Variants in NUP62CL observed in about 807,000 individuals in gnomAD.
NUP62CL encodes the protein nucleoporin 62 C-terminal like, also known as nucleoporin-62 C-terminal-like protein.
NUP62CL carries 13 observed loss-of-function variants against 15.3 expected under a neutral mutation model. The observed-to-expected ratio is 0.85, with a 90% CI of 0.55 to 1.35. The LOEUF (loss-of-function observed/expected upper bound fraction) is 1.35. NUP62CL is among the 40% of genes most tolerant of loss of function. The pLI, the probability that NUP62CL is intolerant of heterozygous loss-of-function variation, is 0.00. For synonymous variants in NUP62CL, 54 were observed against 49.2 expected (o/e 1.10, Z -0.41); for missense variants, 123 against 130.6 (o/e 0.94, Z 0.28).
At chrX:107,189,010 TA>T (rs1927142579) in intron 2 of NUP62CL, among the ~76,000 whole-genome samples, 1 of 111,538 alleles carries the variant, frequency 9.0e-6, no homozygotes. Flanking sequence ...TTTTTCTCAC[TA>T]AAAAAAGACA....
chrX:107,130,020 C>G lies in NUP62CL; in HGVS notation c.*43-5688G>C, dbSNP rs969358422. On this transcript the variant is annotated intron_variant, in intron 8 of 8. Transcript: ENST00000372466. ...CAAATAAAAAGTTGAGTACATACCC[C>G]AGAAAATTTAACAAAAATATAACGA... Among the ~76,000 whole-genome samples, 3 of 111,113 alleles carry G rather than the reference C, an allele frequency of 2.7e-5. No homozygotes were observed. The East Asian group carries it at 8.3e-4, about 31-fold the overall frequency.
chrX:107,144,917 T>C (rs901403980), intron 8 of NUP62CL, among the ~76,000 whole-genome samples: 5 of 111,391 alleles, frequency 4.5e-5, no homozygotes, highest in African/African-American at 1.6e-4. Context: ...TTTTAATCCT[T>C]ACAAAACCCC....
chrX:107,155,424 G>A (rs920259447), intron 4 of NUP62CL, among the ~76,000 whole-genome samples: 3 of 112,403 alleles, frequency 2.7e-5, no homozygotes, highest in African/African-American at 6.5e-5. Flanking sequence ...CTGATCTGGG[G>A]GCTCCAGGGC....
chrX:107,203,118 C>T (rs1346326914), intron 1 of NUP62CL, among the ~76,000 whole-genome samples: 1 of 110,140 alleles, frequency 9.1e-6, no homozygotes, highest in African/African-American at 3.3e-5. Context: ...AGCTCAGGTC[C>T]AGATCTAGAT....
intron 8 of NUP62CL, among the ~76,000 whole-genome samples, chrX:107,130,937 G>A (rs1925498527): frequency 9.0e-6 from 1 of 110,789 alleles, no homozygotes; most frequent in African/African-American, 3.3e-5. Flanking sequence ...GTGTGTGTGT[G>A]TATATATGTA....
intron 2 of NUP62CL, among the ~76,000 whole-genome samples, chrX:107,189,486 A>G (rs1031341804): frequency 2.7e-5 from 3 of 110,830 alleles, no homozygotes; most frequent in African/African-American, 9.9e-5. Context: ...AATAAAAAGA[A>G]ACATGCAGGC....
At chrX:107,194,602 T>C (rs1194103878) in intron 1 of NUP62CL, among the ~76,000 whole-genome samples, 1 of 111,316 alleles carries the variant, frequency 9.0e-6, no homozygotes, top group Non-Finnish European at 1.9e-5. Context: ...TGCATTACTT[T>C]ATGCACCACT....
chrX:107,191,507 AG>A (rs552212763), intron 2 of NUP62CL, among the ~76,000 whole-genome samples: 187 of 110,266 alleles, frequency 1.7e-3, no homozygotes, highest in South Asian at 0.015. Context: ...CAGGAGTTTG[AG>A]ACCAGCCTGG....
In NUP62CL at chrX:107,154,113, T is replaced by C; in HGVS notation, c.328A>G (p.Ile110Val). 1 of 1,201,100 alleles carries C rather than the reference T, an allele frequency of 8.3e-7. No individual in the cohort carries two copies. Among genetic ancestry groups the C allele is most frequent in the Non-Finnish European group, 1.1e-6 (1 of 890,709 alleles). Reference sequence around the variant, plus strand: ...TTTCTTACCATCTCACCATTCTCAATCAATGTATGGTCCCAAGCATTGACC... The same window carrying C: ...TTTCTTACCATCTCACCATTCTCAACCAATGTATGGTCCCAAGCATTGACC... ...TQVNAWDHTL[I>V]ENGEMIRILH... Residue 110 changes from isoleucine (I) to valine (V), a missense_variant, in exon 5 of 9, where the codon ATT becomes GTT. Coordinates refer to ENST00000372466, the MANE Select transcript of NUP62CL (RefSeq NM_017681.3).
intron 3 of NUP62CL, among the ~76,000 whole-genome samples, chrX:107,172,471 C>T (rs1926676165): frequency 8.9e-6 from 1 of 112,084 alleles, no homozygotes; most frequent in Non-Finnish European, 1.9e-5. Context: ...ACAAACAAGA[C>T]TTCTCCAAAA....
chrX:107,174,813 T>C lies in NUP62CL; in HGVS notation c.58+276A>G, dbSNP rs772732278. 5.3e-5 allele frequency among the ~76,000 whole-genome samples: 6 copies of C among 112,273 alleles called. No individual in the cohort carries two copies. In the Admixed American group the frequency reaches 5.7e-4, roughly 11 times the overall value. Reference sequence around the variant, plus strand: ...AAACTCCCACTCTCCCTTCTGTTAATAGCTTCAAGGAGTTGTTTCAATGCA... The same window carrying C: ...AAACTCCCACTCTCCCTTCTGTTAACAGCTTCAAGGAGTTGTTTCAATGCA... On this transcript the variant is annotated intron_variant, in intron 3 of 8. Transcript: ENST00000372466.
At chrX:107,191,829 A>AT (rs1195560628) in intron 2 of NUP62CL, among the ~76,000 whole-genome samples, 1 of 112,216 alleles carries the variant, frequency 8.9e-6, no homozygotes, top group African/African-American at 3.2e-5. Context: ...ATTTTTAGAG[A>AT]TTTTTTATCT....
At chrX:107,141,591 C>A (rs1286163994) in intron 8 of NUP62CL, among the ~76,000 whole-genome samples, 1 of 111,318 alleles carries the variant, frequency 9.0e-6, no homozygotes, top group African/African-American at 3.3e-5. Flanking sequence ...CAAGATTTCC[C>A]AAAGAATTAA....
chrX:107,170,726 G>T (rs1285575), intron 3 of NUP62CL, among the ~76,000 whole-genome samples: 1 of 110,844 alleles, frequency 9.0e-6, no homozygotes, highest in Non-Finnish European at 1.9e-5. Flanking sequence ...TTAACTTTTT[G>T]TACAGTTTTA....
intron 2 of NUP62CL, among the ~76,000 whole-genome samples, chrX:107,191,645 T>C (rs1367194384): frequency 9.1e-6 from 1 of 109,332 alleles, no homozygotes; most frequent in African/African-American, 3.3e-5. Context: ...GAGGCAGAGG[T>C]TGCAGTGAGC....
At chrX:107,190,045 A>G (rs1439404888) in intron 2 of NUP62CL, among the ~76,000 whole-genome samples, 1 of 111,409 alleles carries the variant, frequency 9.0e-6, no homozygotes, top group African/African-American at 3.3e-5. Flanking sequence ...TCCACTGTAT[A>G]TAACATTTTA....
At chrX:107,172,160 C>T (rs190194725) in intron 3 of NUP62CL, among the ~76,000 whole-genome samples, 35 of 93,753 alleles carry the variant, frequency 3.7e-4, no homozygotes, top group Admixed American at 3.7e-3. Context: ...CTCATCTCTA[C>T]TAAAAAAAAA....
At chrX:107,164,015 A>G (rs1252854709) in intron 4 of NUP62CL, among the ~76,000 whole-genome samples, 4 of 112,181 alleles carry the variant, frequency 3.6e-5, no homozygotes, top group Non-Finnish European at 7.5e-5. Flanking sequence ...AATTTAATTA[A>G]CATATATAGA....
chrX:107,125,318 T>C (rs1234739092), intron 8 of NUP62CL, among the ~76,000 whole-genome samples: 1 of 111,733 alleles, frequency 8.9e-6, no homozygotes, highest in Non-Finnish European at 1.9e-5. Context: ...TTGACTATGT[T>C]AGTGGTAAGG....
Sources: gnomAD v4.1 joint callset for allele counts (sites outside exome capture counted in the v4.1 genomes callset) on GRCh38, gnomAD v4.1.1 for gene constraint, MANE v1.5 for transcripts, NCBI Gene and HGNC (gene_info 2026-07-23, HGNC 2026-07-21) for gene names.